The following PLXDC2 variants were observed in gnomAD, a reference collection of about 807,000 sequenced individuals.
The protein encoded by PLXDC2 is plexin domain-containing protein 2.
A neutral mutation model predicts 68.9 loss-of-function variants in PLXDC2; 40 were observed. That is an observed-to-expected ratio of 0.58 (90% CI 0.45 to 0.76). The LOEUF (loss-of-function observed/expected upper bound fraction) is 0.76, where lower values mean the gene tolerates loss of function less well. Ranked by LOEUF, PLXDC2 falls within the 30% of genes least tolerant of loss-of-function variation. The probability of loss-of-function intolerance (pLI) is 0.00; values close to 1 mark genes in which losing one functional copy is unlikely to be tolerated. For synonymous variants in PLXDC2, 243 were observed against 234.2 expected, an observed-to-expected ratio of 1.04 and a Z score of -0.34; for missense variants, 644 against 661.9, an observed-to-expected ratio of 0.97 and a Z score of 0.30.
chr10:19,935,511 G>A (rs1336794109), intron 1 of PLXDC2, among the ~76,000 whole-genome samples: 2 of 152,160 alleles, frequency 1.3e-5, no homozygotes, highest in African/African-American at 4.8e-5. Flanking sequence ...AGCACACCTG[G>A]GAGCTCAGGC....
chr10:20,116,558 G>C (rs1331342622), intron 4 of PLXDC2, among the ~76,000 whole-genome samples: 3 of 152,124 alleles, frequency 2.0e-5, no homozygotes, highest in African/African-American at 4.8e-5. Context: ...AGGTTTAATA[G>C]AAGTAAAAAG....
intron 13 of PLXDC2, among the ~76,000 whole-genome samples, chr10:20,266,381 A>G (rs915167963): frequency 3.9e-5 from 6 of 151,942 alleles, no homozygotes; most frequent in African/African-American, 1.4e-4. Context: ...AAAAAACGTA[A>G]TGACAGAAAA....
chr10:20,032,647 T>C (rs1303095692), intron 2 of PLXDC2, among the ~76,000 whole-genome samples: 1 of 152,022 alleles, frequency 6.6e-6, no homozygotes, highest in Non-Finnish European at 1.5e-5. Flanking sequence ...TACAAGGTAC[T>C]GTGGAAGCGG....
At position 20,177,345 on chromosome 10, in the gene PLXDC2, AG is replaced by A. The variant is rs747354180; in HGVS notation, c.998del (p.Arg333AsnfsTer64). On this transcript the variant is annotated frameshift_variant, in exon 9 of 14. Coordinates refer to ENST00000377252, the MANE Select transcript of PLXDC2 (RefSeq NM_032812.9). LOFTEE classifies it high-confidence loss of function. ...TPLPTCLQFNRCGPCVSSQIG... is the reference protein window; with the variant it reads ...TPLPTCLQFNXCGPCVSSQIG... Reference sequence around the variant, plus strand: ...TTCCCTAGCATGCCTCCAGTTTAACAGATGTGGCCCCTGTGTATCTTCTCAG... The same window carrying A: ...TTCCCTAGCATGCCTCCAGTTTAACAATGTGGCCCCTGTGTATCTTCTCAG... 1 of 1,605,550 alleles carries A rather than the reference AG, an allele frequency of 6.2e-7. No individual in the cohort carries two copies. Among genetic ancestry groups the A allele is most frequent in the Non-Finnish European group, 8.5e-7 (1 of 1,172,572 alleles).
chr10:20,097,630 G>A (rs866193442), intron 4 of PLXDC2, among the ~76,000 whole-genome samples: 2 of 151,724 alleles, frequency 1.3e-5, no homozygotes, highest in Admixed American at 6.6e-5. Flanking sequence ...ATCAAAACCC[G>A]GTAAGATATC....
intron 1 of PLXDC2, among the ~76,000 whole-genome samples, chr10:19,985,937 G>A (rs919484640): frequency 6.6e-6 from 1 of 152,074 alleles, no homozygotes; most frequent in Non-Finnish European, 1.5e-5. Flanking sequence ...CTTTGCCTAT[G>A]CTTCCTCCAC....
At position 19,818,109 on chromosome 10, in the gene PLXDC2, T is replaced by C. The variant is rs570372432; in HGVS notation, c.112+918T>C. Among the ~76,000 whole-genome samples, 5 of 151,556 alleles carry C rather than the reference T, an allele frequency of 3.3e-5. No individual in the cohort carries two copies. In the South Asian group the frequency reaches 1.0e-3, roughly 32 times the overall value. On this transcript the variant is annotated intron_variant, in intron 1 of 13. Coordinates refer to ENST00000377252, the MANE Select transcript of PLXDC2 (RefSeq NM_032812.9). ...CTTGGCAGAAATTGGTGAACTAGGGTGGACTTCGAGAGGAGGTGAAACGAG... is the reference window on the plus strand; with the variant it reads ...CTTGGCAGAAATTGGTGAACTAGGGCGGACTTCGAGAGGAGGTGAAACGAG...
At chr10:20,241,539 A>G (rs1435442153) in intron 12 of PLXDC2, among the ~76,000 whole-genome samples, 1 of 152,182 alleles carries the variant, frequency 6.6e-6, no homozygotes, top group Non-Finnish European at 1.5e-5. Flanking sequence ...TAATCCCAGC[A>G]CTTTGGGAGG....
chr10:20,145,094 A>G (rs1834055008), intron 5 of PLXDC2, among the ~76,000 whole-genome samples: 1 of 152,238 alleles, frequency 6.6e-6, no homozygotes, highest in African/African-American at 2.4e-5. Flanking sequence ...TAGGTCCTAA[A>G]TAATTATTCA....
chr10:19,903,146 T>A (rs1838186191), intron 1 of PLXDC2, among the ~76,000 whole-genome samples: 1 of 152,114 alleles, frequency 6.6e-6, no homozygotes, highest in Non-Finnish European at 1.5e-5. Context: ...TTTTTTTTGT[T>A]AAGTCCTTTT....
rs1033487595 is a variant in PLXDC2 at position 20,280,641 on chromosome 10, T to C, written c.*822T>C. Reference sequence around the variant, plus strand: ...AAGCCTTACCTCCAATCCCCAACTGTTAAGTCCCATGAAACCACAGTTGCT... The same window carrying C: ...AAGCCTTACCTCCAATCCCCAACTGCTAAGTCCCATGAAACCACAGTTGCT... On this transcript the variant is annotated 3_prime_UTR_variant, in exon 14 of 14. Transcript: ENST00000377252. 6.6e-6 allele frequency: 1 copy of C among 152,134 alleles called. No individual in the cohort carries two copies. The highest frequency in any genetic ancestry group is 2.4e-5 in the African/African-American group (1 of 41,438). The allele number at this position is 152,134 out of a possible 1,614,324, so 9.4% of individuals were successfully genotyped here. A position where few individuals can be genotyped will look rare whatever the true frequency, so the allele number is the denominator to read the frequency against.
At chr10:19,850,690 T>G (rs745326290) in intron 1 of PLXDC2, among the ~76,000 whole-genome samples, 1 of 152,170 alleles carries the variant, frequency 6.6e-6, no homozygotes, top group Non-Finnish European at 1.5e-5. Context: ...AATATGCATT[T>G]TAAATAAAAT....
At chr10:20,221,134 C>T (rs924738999) in intron 12 of PLXDC2, among the ~76,000 whole-genome samples, 5 of 142,658 alleles carry the variant, frequency 3.5e-5, no homozygotes, top group African/African-American at 9.0e-5. Context: ...TGAGCCACCA[C>T]GCACGGCCAA....
intron 1 of PLXDC2, among the ~76,000 whole-genome samples, chr10:19,836,802 G>A (rs1465164355): frequency 3.3e-5 from 5 of 152,160 alleles, no homozygotes; most frequent in South Asian, 4.1e-4. Context: ...TAAGGAGATC[G>A]GGAATTACAA....
At chr10:20,040,455 G>C (rs1055583611) in intron 2 of PLXDC2, among the ~76,000 whole-genome samples, 1 of 152,116 alleles carries the variant, frequency 6.6e-6, no homozygotes, top group Non-Finnish European at 1.5e-5. Flanking sequence ...GCACTTGTAC[G>C]TGTTTCTACT....
intron 1 of PLXDC2, among the ~76,000 whole-genome samples, chr10:19,864,909 GGTAA>G (rs1837385766): frequency 6.6e-6 from 1 of 152,146 alleles, no homozygotes. Context: ...AGTTTGGGAG[GGTAA>G]GTGAGAGTTG....
chr10:20,106,849 C>T (rs928764845), intron 4 of PLXDC2, among the ~76,000 whole-genome samples: 14 of 151,612 alleles, frequency 9.2e-5, no homozygotes, highest in Non-Finnish European at 1.6e-4. Flanking sequence ...TTACTATATA[C>T]CATATACCAT....
chr10:20,082,076 A>AAAAAAAAAAAAAG, intron 4 of PLXDC2, among the ~76,000 whole-genome samples: 1 of 149,730 alleles, frequency 6.7e-6, no homozygotes, highest in Non-Finnish European at 1.5e-5. Flanking sequence ...AAAAAAAAAA[A>AAAAAAAAAAAAAG]CAGGAGAAGT....
At chr10:19,949,210 G>A (rs183795350) in intron 1 of PLXDC2, among the ~76,000 whole-genome samples, 130 of 150,484 alleles carry the variant, frequency 8.6e-4, no homozygotes, top group African/African-American at 2.3e-3. Flanking sequence ...CATATGCTCT[G>A]ATATTCATTC....
Sources: allele counts gnomAD v4.1 joint callset (sites outside exome capture counted in the v4.1 genomes callset), GRCh38; gene constraint gnomAD v4.1.1; transcripts MANE v1.5; gene names NCBI Gene and HGNC (gene_info 2026-07-23, HGNC 2026-07-21).